The following TENM4 variants were observed in gnomAD, a reference collection of about 807,000 sequenced individuals.
TENM4 encodes the protein teneurin transmembrane protein 4, also known as teneurin-4.
In TENM4, 82 loss-of-function variants were observed where a neutral mutation model predicts 243.3. The observed-to-expected ratio is 0.34, with a 90% CI of 0.28 to 0.40. The LOEUF (loss-of-function observed/expected upper bound fraction) is 0.40. Ranked by LOEUF, TENM4 falls within the 10% of genes least tolerant of loss-of-function variation. The pLI is 1.00. For missense variants in TENM4, 3,138 were observed against 3,673.3 expected (o/e 0.85, Z 3.77); for synonymous variants, 1,412 against 1,456.3 (o/e 0.97, Z 0.69).
In TENM4 at chr11:79,295,442, C is replaced by T. The variant is rs367949511; in HGVS notation, c.-265+2046G>A. Among the ~76,000 whole-genome samples the T allele has an allele frequency of 5.0e-4, 76 of 152,274 alleles. 1 individual carries two copies. The South Asian group carries it at 8.5e-3, about 17-fold the overall frequency. On this transcript the variant is annotated intron_variant, in intron 2 of 33. Coordinates refer to ENST00000278550, the MANE Select transcript of TENM4 (RefSeq NM_001098816.3). ...AGAGCCTGCAGTAGTAAGTGACCCC[C>T]GCCCCGGGAAAGGAAGGAGCCCCAG...
At chr11:79,102,050 T>G (rs914223236) in intron 4 of TENM4, among the ~76,000 whole-genome samples, 1 of 152,184 alleles carries the variant, frequency 6.6e-6, no homozygotes, top group African/African-American at 2.4e-5. Flanking sequence ...TCTTAACTTC[T>G]CCATGCCCCA....
chr11:78,714,623 T>C (rs766946800), intron 25 of TENM4, among the ~76,000 whole-genome samples: 29 of 152,202 alleles, frequency 1.9e-4, no homozygotes, highest in Non-Finnish European at 2.9e-4. Flanking sequence ...AGAGAAGGTA[T>C]GAGCTCCCTG....
chr11:79,020,100 G>GTTC (rs1858887811), intron 6 of TENM4, among the ~76,000 whole-genome samples: 1 of 152,118 alleles, frequency 6.6e-6, no homozygotes, highest in South Asian at 2.1e-4. Context: ...TTGTTAAATA[G>GTTC]AACAGATCAA....
intron 1 of TENM4, among the ~76,000 whole-genome samples, chr11:79,389,467 T>A (rs1858185346): frequency 6.6e-6 from 1 of 152,152 alleles, no homozygotes; most frequent in South Asian, 2.1e-4. Flanking sequence ...CAGAGATAAG[T>A]GTTTAATGGG....
intron 5 of TENM4, among the ~76,000 whole-genome samples, chr11:79,066,608 G>GCACACACACGTGCGCA: frequency 6.6e-6 from 1 of 151,186 alleles, no homozygotes; most frequent in East Asian, 1.9e-4. Context: ...ACACGCGCGT[G>GCACACACACGTGCGCA]CACACACACG....
intron 12 of TENM4, among the ~76,000 whole-genome samples, chr11:78,849,180 C>T (rs1040521155): frequency 1.3e-5 from 2 of 152,200 alleles, no homozygotes; most frequent in Non-Finnish European, 2.9e-5. Flanking sequence ...AGAATGAAAA[C>T]GAACTTGTTA....
intron 4 of TENM4, among the ~76,000 whole-genome samples, chr11:79,135,780 A>G (rs1225983698): frequency 1.5e-5 from 2 of 135,822 alleles, no homozygotes; most frequent in Non-Finnish European, 3.0e-5. Flanking sequence ...ATACATATAT[A>G]TGATATATAT....
intron 15 of TENM4, among the ~76,000 whole-genome samples, chr11:78,803,907 T>C (rs76701123): frequency 0.011 from 1,731 of 152,368 alleles, 29 homozygotes; most frequent in African/African-American, 0.038. Flanking sequence ...CTTACAATCA[T>C]GCCTTTACAT....
At chr11:79,129,198 C>A (rs1861945820) in intron 4 of TENM4, among the ~76,000 whole-genome samples, 1 of 152,172 alleles carries the variant, frequency 6.6e-6, no homozygotes, top group Non-Finnish European at 1.5e-5. Context: ...GTAGAGGAAG[C>A]AGCAGAAAGG....
intron 3 of TENM4, among the ~76,000 whole-genome samples, chr11:79,203,577 T>C (rs1394450371): frequency 6.6e-6 from 1 of 152,194 alleles, no homozygotes; most frequent in Non-Finnish European, 1.5e-5. Flanking sequence ...AATCAGAGAT[T>C]AGCAATAATA....
At chr11:78,694,414 G>A (rs900288255) in intron 28 of TENM4, among the ~76,000 whole-genome samples, 4 of 152,188 alleles carry the variant, frequency 2.6e-5, no homozygotes, top group African/African-American at 9.7e-5. Flanking sequence ...CAGAGCCAGA[G>A]CACTTTGTGG....
At chr11:79,295,420 G>T (rs1374085836) in intron 2 of TENM4, among the ~76,000 whole-genome samples, 1 of 152,162 alleles carries the variant, frequency 6.6e-6, no homozygotes, top group Non-Finnish European at 1.5e-5. Flanking sequence ...TCTGCTGAGA[G>T]CCTGCAGTAG....
At chr11:79,123,634 A>C (rs1339408611) in intron 4 of TENM4, among the ~76,000 whole-genome samples, 1 of 144,620 alleles carries the variant, frequency 6.9e-6, no homozygotes, top group African/African-American at 2.6e-5. Context: ...TTTACTGAGC[A>C]CTCACTGGGG....
chr11:78,973,126 T>C lies in TENM4; in HGVS notation c.494-69603A>G, dbSNP rs1186990802. On this transcript the variant is annotated intron_variant, in intron 6 of 33. Transcript: ENST00000278550. ...GGTTGTTTTCACTTTTTGGCTATTA[T>C]CCATAATGCTGCTGCAAACCTTTGT... 3.3e-5 allele frequency among the ~76,000 whole-genome samples: 5 copies of C among 152,268 alleles called. No homozygotes were observed. In the East Asian group the frequency reaches 7.7e-4, roughly 23 times the overall value.
intron 12 of TENM4, among the ~76,000 whole-genome samples, chr11:78,832,511 A>C (rs1179140871): frequency 6.6e-6 from 1 of 152,270 alleles, no homozygotes; most frequent in East Asian, 1.9e-4. Context: ...CCATATTAAT[A>C]GAGTTGGGCT....
chr11:78,983,933 G>A (rs893753132), intron 6 of TENM4, among the ~76,000 whole-genome samples: 2 of 152,222 alleles, frequency 1.3e-5, no homozygotes, highest in Non-Finnish European at 2.9e-5. Flanking sequence ...CTATAAAATG[G>A]AGGACTCAGG....
At chr11:78,932,051 A>T (rs530347210) in intron 6 of TENM4, among the ~76,000 whole-genome samples, 2 of 152,336 alleles carry the variant, frequency 1.3e-5, no homozygotes, top group Admixed American at 6.5e-5. Flanking sequence ...AGGATTTCGC[A>T]GGCTTGGAAA....
chr11:78,781,360 C>T (rs576324133), intron 16 of TENM4, among the ~76,000 whole-genome samples: 1 of 152,268 alleles, frequency 6.6e-6, no homozygotes, highest in Non-Finnish European at 1.5e-5. Flanking sequence ...ACGCTTGTTT[C>T]TTTGGCATTG....
intron 4 of TENM4, among the ~76,000 whole-genome samples, chr11:79,114,024 C>T (rs963097747): frequency 3.3e-5 from 5 of 152,182 alleles, no homozygotes; most frequent in African/African-American, 7.2e-5. Context: ...GATCTCTCCA[C>T]TCCCACTTCT....
Sources: allele counts gnomAD v4.1 joint callset (sites outside exome capture counted in the v4.1 genomes callset), GRCh38; gene constraint gnomAD v4.1.1; transcripts MANE v1.5; gene names NCBI Gene and HGNC (gene_info 2026-07-23, HGNC 2026-07-21).